Variants in SOX6 observed in about 807,000 individuals in gnomAD.
The protein encoded by SOX6 is transcription factor SOX-6.
A neutral mutation model predicts 97.8 loss-of-function variants in SOX6; 11 were observed. The ratio of observed to expected loss-of-function variants is 0.11; its 90% confidence interval spans 0.07 to 0.19. SOX6 has a LOEUF of 0.19. Among genes scored for constraint, SOX6 ranks in the 10% least tolerant of loss-of-function variants. The pLI is 1.00. For missense variants in SOX6, 810 were observed against 1,039.5 expected (o/e 0.78, Z 3.04); for synonymous variants, 360 against 371.4 (o/e 0.97, Z 0.35).
chr11:16,711,963 T>G (rs898740188), intron 3 of SOX6, among the ~76,000 whole-genome samples: 1 of 152,122 alleles, frequency 6.6e-6, no homozygotes, highest in Non-Finnish European at 1.5e-5. Context: ...TGAGAACAGA[T>G]GATGTTTGGT....
At chr11:16,314,142 C>T (rs1028896202) in intron 3 of SOX6, 5 of 152,142 alleles carry the variant, frequency 3.3e-5, no homozygotes. Flanking sequence ...AAAGTTCAAA[C>T]TCCTTAGGCA....
intron 6 of SOX6, among the ~76,000 whole-genome samples, chr11:16,166,884 T>A (rs1436152906): frequency 1.3e-5 from 2 of 152,070 alleles, no homozygotes; most frequent in African/African-American, 4.8e-5. Context: ...CACAGACAAG[T>A]TTATTAACTA....
intron 1 of SOX6, among the ~76,000 whole-genome samples, chr11:16,445,664 G>A (rs924034845): frequency 2.6e-5 from 4 of 151,936 alleles, no homozygotes; most frequent in Non-Finnish European, 4.4e-5. Flanking sequence ...CCTTGTGTGA[G>A]TACCCTTGAG....
intron 7 of SOX6, among the ~76,000 whole-genome samples, chr11:16,103,184 C>A (rs1014644148): frequency 4.0e-5 from 6 of 151,166 alleles, no homozygotes; most frequent in African/African-American, 1.5e-4. Flanking sequence ...AGAAAAAAAA[C>A]AAACAATCCC....
At chr11:16,577,745 C>G (rs1463112581) in intron 4 of SOX6, among the ~76,000 whole-genome samples, 1 of 152,094 alleles carries the variant, frequency 6.6e-6, no homozygotes, top group Admixed American at 6.6e-5. Flanking sequence ...AATACTGATT[C>G]AAATCCTTTG....
chr11:16,229,118 C>T (rs534109451), intron 4 of SOX6, among the ~76,000 whole-genome samples: 2 of 152,230 alleles, frequency 1.3e-5, no homozygotes. Context: ...GTGATAAAGG[C>T]TGAGTTCTCT....
intron 4 of SOX6, among the ~76,000 whole-genome samples, chr11:16,507,071 A>G (rs1463864065): frequency 6.6e-6 from 1 of 152,030 alleles, no homozygotes; most frequent in Non-Finnish European, 1.5e-5. Context: ...CTCAAAAATA[A>G]TAATAATAAT....
intron 13 of SOX6, among the ~76,000 whole-genome samples, chr11:15,995,556 T>A (rs1399446875): frequency 6.6e-6 from 1 of 151,484 alleles, no homozygotes; most frequent in Non-Finnish European, 1.5e-5. Context: ...GACTCAGAGA[T>A]CAAAAAATAA....
intron 2 of SOX6, among the ~76,000 whole-genome samples, chr11:16,336,827 C>T (rs1856476145): frequency 6.6e-6 from 1 of 152,134 alleles, no homozygotes; most frequent in African/African-American, 2.4e-5. Context: ...ATACAAACTA[C>T]AAGACTTTTG....
intron 1 of SOX6, among the ~76,000 whole-genome samples, chr11:16,455,404 C>G (rs574935023): frequency 6.6e-6 from 1 of 151,868 alleles, no homozygotes; most frequent in Admixed American, 6.6e-5. Flanking sequence ...AATACTTTTT[C>G]TTTATATAAA....
At chr11:16,705,635 A>G (rs571101119) in intron 3 of SOX6, among the ~76,000 whole-genome samples, 1 of 111,772 alleles carries the variant, frequency 8.9e-6, no homozygotes. Context: ...TCTAGGGGGA[A>G]AAAAAACTAT....
intron 6 of SOX6, among the ~76,000 whole-genome samples, chr11:16,153,186 T>G (rs1276761382): frequency 6.6e-6 from 1 of 151,974 alleles, no homozygotes; most frequent in Non-Finnish European, 1.5e-5. Flanking sequence ...TTTTGTATTT[T>G]TTAGTAGAGA....
At chr11:16,115,252 G>A (rs1849318233) in intron 6 of SOX6, among the ~76,000 whole-genome samples, 1 of 152,156 alleles carries the variant, frequency 6.6e-6, no homozygotes, top group Admixed American at 6.5e-5. Flanking sequence ...TACCAGACCA[G>A]CAGCATCAGC....
intron 10 of SOX6, among the ~76,000 whole-genome samples, chr11:16,055,456 A>C (rs921324759): frequency 7.9e-5 from 12 of 152,304 alleles, no homozygotes; most frequent in Non-Finnish European, 1.6e-4. Context: ...CTGGCAATAA[A>C]GTCATGGCAA....
chr11:16,280,539 C>T (rs1295572579), intron 3 of SOX6, among the ~76,000 whole-genome samples: 1 of 152,044 alleles, frequency 6.6e-6, no homozygotes, highest in Admixed American at 6.6e-5. Flanking sequence ...CTGTCAGAAG[C>T]ACTCATAAGC....
At chr11:16,508,056 T>C (rs1338744219) in intron 4 of SOX6, among the ~76,000 whole-genome samples, 1 of 151,902 alleles carries the variant, frequency 6.6e-6, no homozygotes, top group Non-Finnish European at 1.5e-5. Context: ...GGACAACTAA[T>C]TCTATTAAAA....
At chr11:16,644,090 G>C (rs990882523) in intron 3 of SOX6, among the ~76,000 whole-genome samples, 1 of 152,144 alleles carries the variant, frequency 6.6e-6, no homozygotes, top group Non-Finnish European at 1.5e-5. Flanking sequence ...ACCCAGGCTG[G>C]AGTGCAATGG....
At chr11:16,187,033 A>G (rs1851498368) in intron 4 of SOX6, 78 bp from the exon 5 acceptor site, 2 of 1,481,166 alleles carry the variant, frequency 1.4e-6, no homozygotes, top group Non-Finnish European at 1.9e-6. Flanking sequence ...CAGAATTTAG[A>G]AAGGGACTAT....
rs144277763 is a variant in SOX6, at chr11:16,401,653, A to T, written c.-4-60401T>A. Among the ~76,000 whole-genome samples the T allele has an allele frequency of 5.9e-5, 9 of 151,644 alleles. 1 individual carries two copies. The highest frequency in any genetic ancestry group is 2.2e-4 in the African/African-American group (9 of 41,490). Reference sequence around the variant, plus strand: ...CAAATATAAGATTTGGACTAGGAGAACTCAAAAGTCATTAAGCTCTAAAGT... The same window carrying T: ...CAAATATAAGATTTGGACTAGGAGATCTCAAAAGTCATTAAGCTCTAAAGT... On this transcript the variant is annotated intron_variant, in intron 1 of 15. Transcript: ENST00000396356.
Sources: allele counts gnomAD v4.1 joint callset (sites outside exome capture counted in the v4.1 genomes callset), GRCh38; gene constraint gnomAD v4.1.1; transcripts MANE v1.5; gene names NCBI Gene and HGNC (gene_info 2026-07-23, HGNC 2026-07-21).